Variants in CNTN5 observed in about 807,000 individuals in gnomAD.
CNTN5 encodes contactin-5.
In CNTN5, 77 loss-of-function variants were observed where a neutral mutation model predicts 129.1. That is an observed-to-expected ratio of 0.60 (90% confidence interval 0.50 to 0.72). CNTN5 has a LOEUF of 0.72. Among genes scored for constraint, CNTN5 ranks in the 30% least tolerant of loss-of-function variants. CNTN5 has a pLI of 0.00. For missense variants in CNTN5, 1,478 were observed against 1,328.8 expected (o/e 1.11, Z -1.75); for synonymous variants, 509 against 465.6 (o/e 1.09, Z -1.20).
At chr11:99,511,059 T>G (rs1451152944) in intron 2 of CNTN5, among the ~76,000 whole-genome samples, 3 of 151,546 alleles carry the variant, frequency 2.0e-5, no homozygotes, top group African/African-American at 7.3e-5. Context: ...AGTTTTTAAT[T>G]TAAAAAGCGT....
At chr11:99,567,624 C>A (rs569625440) in intron 3 of CNTN5, among the ~76,000 whole-genome samples, 2 of 152,030 alleles carry the variant, frequency 1.3e-5, no homozygotes, top group East Asian at 1.9e-4. Context: ...AAAACAGGTG[C>A]CTGCTAATAT....
chr11:99,195,034 C>A (rs1359055996), intron 1 of CNTN5, among the ~76,000 whole-genome samples: 1 of 151,974 alleles, frequency 6.6e-6, no homozygotes, highest in Non-Finnish European at 1.5e-5. Flanking sequence ...CTGAAAGGTG[C>A]AATTTGCTGA....
chr11:99,512,878 A>G (rs532317969), intron 2 of CNTN5, among the ~76,000 whole-genome samples: 2 of 152,256 alleles, frequency 1.3e-5, no homozygotes, highest in East Asian at 3.9e-4. Context: ...TAACTGTACA[A>G]TGGCTTCTAA....
At position 99,620,518 on chromosome 11, in the gene CNTN5, TTTTTC is replaced by T. The variant is rs1285756048; in HGVS notation, c.55+64254_55+64258del. On this transcript the variant is annotated intron_variant, in intron 3 of 24. Coordinates refer to ENST00000524871, the MANE Select transcript of CNTN5 (RefSeq NM_014361.4). ...CTCTTTTTTTCTTTTCTTTTTTTTTTTTTTCTTTTTGCTCTTTAACTACATGAAAA... is the reference window on the plus strand; with the variant it reads ...CTCTTTTTTTCTTTTCTTTTTTTTTTTTTTTGCTCTTTAACTACATGAAAA... Among the ~76,000 whole-genome samples the T allele has an allele frequency of 3.9e-4, 54 of 138,234 alleles. 3 individuals are homozygous for T. Among genetic ancestry groups the T allele is most frequent in the Non-Finnish European group, 6.3e-4 (38 of 60,622 alleles). The allele number at this position is 138,234 out of a possible 152,430, so 90.7% of individuals were successfully genotyped here.
At chr11:99,277,967 G>T (rs1026018498) in intron 1 of CNTN5, among the ~76,000 whole-genome samples, 1 of 151,598 alleles carries the variant, frequency 6.6e-6, no homozygotes, top group Non-Finnish European at 1.5e-5. Flanking sequence ...TGATTATTGA[G>T]GTCAATTTTT....
At chr11:99,772,375 A>G (rs1164796263) in intron 3 of CNTN5, among the ~76,000 whole-genome samples, 1 of 152,024 alleles carries the variant, frequency 6.6e-6, no homozygotes, top group African/African-American at 2.4e-5. Flanking sequence ...TATTTTCTAG[A>G]GGAAATGACA....
intron 6 of CNTN5, among the ~76,000 whole-genome samples, chr11:99,902,633 A>G (rs1163908856): frequency 1.3e-5 from 2 of 152,192 alleles, no homozygotes; most frequent in Non-Finnish European, 2.9e-5. Flanking sequence ...TGCTTCATGT[A>G]AAAATGAGAT....
At chr11:99,886,791 C>T (rs989377513) in intron 6 of CNTN5, among the ~76,000 whole-genome samples, 4 of 152,144 alleles carry the variant, frequency 2.6e-5, no homozygotes, top group African/African-American at 9.7e-5. Flanking sequence ...ATGAAGAACC[C>T]TTAAACATAG....
intron 6 of CNTN5, among the ~76,000 whole-genome samples, chr11:99,864,706 T>C (rs954056249): frequency 4.6e-5 from 7 of 152,196 alleles, no homozygotes; most frequent in Admixed American, 4.6e-4. Flanking sequence ...TTGATAGGTG[T>C]CATAGTGAAA....
intron 3 of CNTN5, among the ~76,000 whole-genome samples, chr11:99,719,867 A>G (rs2135019298): frequency 6.6e-6 from 1 of 152,256 alleles, no homozygotes; most frequent in East Asian, 1.9e-4. Context: ...ACCCTACAGA[A>G]ATAAAAGCAC....
At chr11:100,124,350 G>C (rs979640340) in intron 13 of CNTN5, among the ~76,000 whole-genome samples, 3 of 151,806 alleles carry the variant, frequency 2.0e-5, no homozygotes, top group Non-Finnish European at 4.4e-5. Flanking sequence ...CTGTACATAA[G>C]CACCATCTTA....
chr11:100,183,437 C>G (rs59752264), intron 13 of CNTN5, among the ~76,000 whole-genome samples: 1 of 152,104 alleles, frequency 6.6e-6, no homozygotes, highest in African/African-American at 2.4e-5. Flanking sequence ...AAGTGAATTA[C>G]TGATAATTGG....
At chr11:99,400,916 A>G (rs544338435) in intron 2 of CNTN5, among the ~76,000 whole-genome samples, 1 of 152,242 alleles carries the variant, frequency 6.6e-6, no homozygotes, top group East Asian at 1.9e-4. Flanking sequence ...GCCCATTTTA[A>G]AATTAGATTA....
intron 8 of CNTN5, among the ~76,000 whole-genome samples, chr11:100,001,118 T>A (rs1457214414): frequency 1.3e-5 from 2 of 152,216 alleles, no homozygotes; most frequent in Non-Finnish European, 2.9e-5. Context: ...TTATGCAAAT[T>A]TCTGCAGCCG....
chr11:100,198,028 T>G (rs1948690996), intron 15 of CNTN5, among the ~76,000 whole-genome samples: 1 of 151,890 alleles, frequency 6.6e-6, no homozygotes, highest in Non-Finnish European at 1.5e-5. Context: ...CCAGGCCACA[T>G]AAATTGGGGT....
chr11:99,992,061 A>G (rs1479389706), intron 8 of CNTN5, among the ~76,000 whole-genome samples: 1 of 152,230 alleles, frequency 6.6e-6, no homozygotes, highest in Non-Finnish European at 1.5e-5. Flanking sequence ...CAAGAAACAG[A>G]TATGAAGTAT....
intron 1 of CNTN5, among the ~76,000 whole-genome samples, chr11:99,295,941 C>T (rs574109850): frequency 6.8e-6 from 1 of 147,448 alleles, no homozygotes; most frequent in Admixed American, 6.7e-5. Flanking sequence ...GTACGTACTA[C>T]TAAAGTTTCT....
intron 3 of CNTN5, among the ~76,000 whole-genome samples, chr11:99,647,337 A>G (rs1284632036): frequency 1.3e-5 from 2 of 152,076 alleles, no homozygotes; most frequent in Non-Finnish European, 2.9e-5. Context: ...TTTGTCAAAA[A>G]TCAGTTGGCT....
intron 18 of CNTN5, among the ~76,000 whole-genome samples, chr11:100,292,793 C>T (rs1188351066): frequency 1.3e-5 from 2 of 151,914 alleles, no homozygotes; most frequent in African/African-American, 2.4e-5. Flanking sequence ...TTCCCTAATT[C>T]GTAGCGAGAC....
Sources: allele counts gnomAD v4.1 joint callset (sites outside exome capture counted in the v4.1 genomes callset), GRCh38; gene constraint gnomAD v4.1.1; transcripts MANE v1.5; gene names NCBI Gene and HGNC (gene_info 2026-07-23, HGNC 2026-07-21).